MKLN1: variants seen among roughly 807,000 people sequenced by gnomAD.
MKLN1 encodes muskelin 1, also known as muskelin.
MKLN1 carries 18 observed loss-of-function variants against 99.0 expected under a neutral mutation model. The ratio of observed to expected loss-of-function variants is 0.18; its 90% CI spans 0.13 to 0.27. The LOEUF (loss-of-function observed/expected upper bound fraction) is 0.27. MKLN1 is among the 10% of genes least tolerant of loss of function. The pLI is 1.00. For synonymous variants in MKLN1, 288 were observed against 293.2 expected (o/e 0.98, Z 0.18); for missense variants, 621 against 875.9 (o/e 0.71, Z 3.67).
At position 131,144,776 on chromosome 7, in the gene MKLN1, A is replaced by G. The variant is rs1466511331; in HGVS notation, c.-297+1835A>G. Among the ~76,000 whole-genome samples, 5 of 152,132 alleles carry G rather than the reference A, an allele frequency of 3.3e-5. No homozygotes were observed. The East Asian group carries it at 9.7e-4, about 29-fold the overall frequency. On this transcript the variant is annotated intron_variant, in intron 2 of 7. Transcript: ENST00000416992. ...GCGGATCACCTGAGATCAGGAGTTC[A>G]AGACCAGCCTGACCAACGTGGAGAA... is the stretch of plus-strand genomic sequence containing the variant.
rs1164946612 is a variant in MKLN1, at chr7:131,192,098, GTATA to G, written c.-296-10751_-296-10748del. 5.5e-5 allele frequency among the ~76,000 whole-genome samples: 4 copies of G among 72,932 alleles called. 1 individual carries two copies. Among genetic ancestry groups the G allele is most frequent in the East Asian group, 2.4e-4 (1 of 4,250 alleles). The allele number at this position is 72,932 out of a possible 152,430, so 47.8% of individuals were successfully genotyped here. On this transcript the variant is annotated intron_variant, in intron 2 of 7. Transcript: ENST00000416992. ...ATATACATATATATTATATATATAT[GTATA>G]TATATATTATATATATACGTATATA... is the stretch of plus-strand genomic sequence containing the variant.
chr7:131,443,999 A>G lies in MKLN1; in HGVS notation c.1395+297A>G, dbSNP rs1795921324. 2.6e-5 allele frequency among the ~76,000 whole-genome samples: 4 copies of G among 152,238 alleles called. No individual in the cohort carries two copies. In the South Asian group the frequency reaches 8.3e-4, roughly 32 times the overall value. On this transcript the variant is annotated intron_variant, in intron 11 of 17. Transcript: ENST00000352689. ...GCCTTTCCACTTACGTCTCTTAGTAATTAGAAGGACAATTTCTTACTCTGT... is the reference window on the plus strand; with the variant it reads ...GCCTTTCCACTTACGTCTCTTAGTAGTTAGAAGGACAATTTCTTACTCTGT...
intron 3 of MKLN1, among the ~76,000 whole-genome samples, chr7:131,214,618 AT>A (rs1796952176): frequency 6.6e-6 from 1 of 152,178 alleles, no homozygotes; most frequent in Non-Finnish European, 1.5e-5. Flanking sequence ...ACAGCCTGTA[AT>A]CTGAAATAAT....
intron 3 of MKLN1, among the ~76,000 whole-genome samples, chr7:131,269,618 G>A (rs1007242926): frequency 8.5e-5 from 13 of 152,056 alleles, no homozygotes; most frequent in South Asian, 6.2e-4. Context: ...GTCTTTTCTC[G>A]ATCAATGTAT....
intron 4 of MKLN1, among the ~76,000 whole-genome samples, chr7:131,396,962 T>C (rs768982544): frequency 6.6e-6 from 1 of 152,260 alleles, no homozygotes; most frequent in Non-Finnish European, 1.5e-5. Context: ...TTTTTGCTGC[T>C]TGTACATTTG....
intron 1 of MKLN1, among the ~76,000 whole-genome samples, chr7:131,340,235 T>C (rs1799366140): frequency 6.6e-6 from 1 of 151,576 alleles, no homozygotes; most frequent in South Asian, 2.1e-4. Context: ...TTCATAGCAG[T>C]GTGTACCTAT....
intron 9 of MKLN1, 45 bp from the exon 10 acceptor site, chr7:131,437,740 T>G (rs769348881): frequency 2.2e-5 from 30 of 1,363,878 alleles, no homozygotes; most frequent in East Asian, 2.3e-5. Flanking sequence ...GATTTTTTTT[T>G]GCTCTTTATT....
At chr7:131,125,028 C>T (rs1402602585) in intron 1 of MKLN1, among the ~76,000 whole-genome samples, 1 of 152,338 alleles carries the variant, frequency 6.6e-6, no homozygotes, top group Non-Finnish European at 1.5e-5. Flanking sequence ...GAGCATCCCC[C>T]AACCCTGGTC....
At chr7:131,159,604 T>C (rs909931861) in intron 2 of MKLN1, among the ~76,000 whole-genome samples, 1 of 152,062 alleles carries the variant, frequency 6.6e-6, no homozygotes, top group African/African-American at 2.4e-5. Flanking sequence ...TGTTGGCTAA[T>C]GGGTACAAAC....
chr7:131,122,421 G>A (rs1795387001), intron 1 of MKLN1, among the ~76,000 whole-genome samples: 1 of 152,206 alleles, frequency 6.6e-6, no homozygotes, highest in African/African-American at 2.4e-5. Context: ...AAAACATTTT[G>A]AGAAGTGATA....
chr7:131,482,978 A>G (rs1472795167), intron 17 of MKLN1, among the ~76,000 whole-genome samples: 1 of 152,262 alleles, frequency 6.6e-6, no homozygotes, highest in Non-Finnish European at 1.5e-5. Flanking sequence ...ATGGCAAACC[A>G]GGATTAAAAC....
intron 6 of MKLN1, among the ~76,000 whole-genome samples, chr7:131,403,780 A>G (rs986719489): frequency 6.6e-6 from 1 of 152,170 alleles, no homozygotes; most frequent in Admixed American, 6.6e-5. Flanking sequence ...AAACAATTAC[A>G]TTATTAACAT....
chr7:131,469,923 T>C (rs1402988314), intron 15 of MKLN1, among the ~76,000 whole-genome samples: 1 of 151,112 alleles, frequency 6.6e-6, no homozygotes, highest in African/African-American at 2.4e-5. Context: ...TCATCCAGGC[T>C]GGAGTGCAGT....
chr7:131,118,914 A>G (rs1583761), intron 1 of MKLN1, among the ~76,000 whole-genome samples: 150,771 of 152,288 alleles, frequency 0.99, 74,662 homozygotes, highest in Middle Eastern at 1. Context: ...GTTTTGGGTG[A>G]GGACACAGAG....
At chr7:131,111,771 TAAA>T (rs1183405425) in intron 1 of MKLN1, among the ~76,000 whole-genome samples, 2 of 776 alleles carry the variant, frequency 2.6e-3, no homozygotes, top group African/African-American at 2.8e-3. Context: ...ATGAAACGCA[TAAA>T]TAAATAAATA....
At chr7:131,366,314 C>T (rs943705589) in intron 1 of MKLN1, among the ~76,000 whole-genome samples, 1 of 151,938 alleles carries the variant, frequency 6.6e-6, no homozygotes, top group African/African-American at 2.4e-5. Flanking sequence ...AAAGGAAAAA[C>T]ATCCTTTTAT....
chr7:131,494,352 C>G lies in MKLN1; in HGVS notation c.*6624C>G, dbSNP rs1170512927. 6.6e-6 allele frequency: 1 copy of G among 152,170 alleles called. No homozygotes were observed. The highest frequency in any genetic ancestry group is 1.5e-5 in the Non-Finnish European group (1 of 68,038). 9.4% of individuals were successfully genotyped at this position (152,170 alleles called of 1,614,324 possible). A position where few individuals can be genotyped will look rare whatever the true frequency, so the allele number is the denominator to read the frequency against. Reference sequence around the variant, plus strand: ...AGAGCTTTATAAATCTTTATAAATTCAGTTACAACAAAGGAGAGGATCCTA... The same window carrying G: ...AGAGCTTTATAAATCTTTATAAATTGAGTTACAACAAAGGAGAGGATCCTA... On this transcript the variant is annotated 3_prime_UTR_variant, in exon 18 of 18. Coordinates refer to ENST00000352689, the MANE Select transcript of MKLN1 (RefSeq NM_013255.5).
In MKLN1 at chr7:131,292,785, T is replaced by C. The variant is rs1028788877; in HGVS notation, c.-178-82639T>C. The stretch of plus-strand genomic sequence containing the variant: ...TTTGTGAGTACTTTGTTACCATAGC[T>C]CCAGGAAACTAATGGGGAACAGGAC... On this transcript the variant is annotated intron_variant, in intron 3 of 7. Coordinates refer to the MKLN1 transcript ENST00000416992. Among the ~76,000 whole-genome samples, 8 of 152,160 alleles carry C rather than the reference T, an allele frequency of 5.3e-5. No homozygotes were observed. The South Asian group carries it at 1.0e-3, about 20-fold the overall frequency.
intron 3 of MKLN1, among the ~76,000 whole-genome samples, chr7:131,282,785 A>G (rs1798070848): frequency 6.6e-6 from 1 of 152,232 alleles, no homozygotes; most frequent in South Asian, 2.1e-4. Flanking sequence ...CCTTTTAAAT[A>G]TACAGATTCC....
Sources: gnomAD v4.1 joint callset for allele counts (sites outside exome capture counted in the v4.1 genomes callset) on GRCh38, gnomAD v4.1.1 for gene constraint, MANE v1.5 for transcripts, NCBI Gene and HGNC (gene_info 2026-07-23, HGNC 2026-07-21) for gene names.